The following WNK1 variants were observed in gnomAD, a reference collection of about 807,000 sequenced individuals.
WNK1 encodes serine/threonine-protein kinase WNK1.
In WNK1, 38 loss-of-function variants were observed where a neutral mutation model predicts 222.8. The ratio of observed to expected loss-of-function variants is 0.17; its 90% CI spans 0.13 to 0.22. The LOEUF (loss-of-function observed/expected upper bound fraction) is 0.22, where lower values mean the gene tolerates loss of function less well. Among genes scored for constraint, WNK1 ranks in the 10% least tolerant of loss-of-function variants. WNK1 has a pLI of 1.00. For missense variants in WNK1, 2,348 were observed against 2,918.4 expected (o/e 0.80, Z 4.50); for synonymous variants, 1,090 against 1,092.9 (o/e 1.00, Z 0.05).
At chr12:772,862 T>C (rs1942695150) in intron 1 of WNK1, among the ~76,000 whole-genome samples, 1 of 152,202 alleles carries the variant, frequency 6.6e-6, no homozygotes, top group African/African-American at 2.4e-5. Flanking sequence ...GCTTCGCATA[T>C]AATTTGGGGT....
intron 2 of WNK1, among the ~76,000 whole-genome samples, chr12:817,401 T>C (rs1947446184): frequency 6.6e-6 from 1 of 152,094 alleles, no homozygotes; most frequent in Non-Finnish European, 1.5e-5. Flanking sequence ...AGAATTCTGA[T>C]TGAGAATGTA....
intron 1 of WNK1, among the ~76,000 whole-genome samples, chr12:791,133 G>A (rs1394036584): frequency 1.3e-5 from 2 of 151,616 alleles, no homozygotes; most frequent in African/African-American, 4.8e-5. Flanking sequence ...AAATATTGTG[G>A]ATGTCATAGT....
At chr12:865,367 A>G in intron 8 of WNK1, 1 of 1,532,756 alleles carries the variant, frequency 6.5e-7, no homozygotes, top group Non-Finnish European at 8.7e-7. Context: ...TCAGTACTGT[A>G]TGTAACTGTA....
intron 4 of WNK1, among the ~76,000 whole-genome samples, chr12:831,878 A>G (rs1461421962): frequency 6.6e-6 from 1 of 152,070 alleles, no homozygotes; most frequent in African/African-American, 2.4e-5. Context: ...GATAAAATTT[A>G]GGCTAAACAT....
At chr12:806,944 C>T (rs941671932) in intron 1 of WNK1, among the ~76,000 whole-genome samples, 2 of 152,162 alleles carry the variant, frequency 1.3e-5, no homozygotes, top group Admixed American at 1.3e-4. Flanking sequence ...TGTAGAAATT[C>T]TGCTTTCAGG....
At position 911,362 on chromosome 12, in the gene WNK1, T is replaced by C. The variant is rs895691904; in HGVS notation, c.*2570T>C. 2 of 398,538 alleles carry C rather than the reference T, an allele frequency of 5.0e-6. No homozygotes were observed. Among genetic ancestry groups the C allele is most frequent in the African/African-American group, 4.1e-5 (2 of 48,642 alleles). 24.7% of individuals were successfully genotyped at this position (398,538 alleles called of 1,614,324 possible). A position where few individuals can be genotyped will look rare whatever the true frequency, so the allele number is the denominator to read the frequency against. On this transcript the variant is annotated 3_prime_UTR_variant, in exon 28 of 28. Transcript: ENST00000315939. ...TTGCACTAACTCTGGGTGTTGCGCTTCTTGTAAGATTGCGCTTTGTGCTTC... is the reference window on the plus strand; with the variant it reads ...TTGCACTAACTCTGGGTGTTGCGCTCCTTGTAAGATTGCGCTTTGTGCTTC...
chr12:854,184 A>G (rs2154058032), intron 4 of WNK1, among the ~76,000 whole-genome samples: 1 of 151,888 alleles, frequency 6.6e-6, no homozygotes, highest in East Asian at 2.0e-4. Context: ...CCTGGGGAAC[A>G]TAGCAAGACT....
chr12:859,935 C>T (rs992648799), intron 6 of WNK1, among the ~76,000 whole-genome samples: 1 of 151,990 alleles, frequency 6.6e-6, no homozygotes, highest in Non-Finnish European at 1.5e-5. Flanking sequence ...AGGCTTGTCT[C>T]GAACTCCTTA....
At chr12:906,556 C>G (rs1362537622) in intron 26 of WNK1, 3 of 985,082 alleles carry the variant, frequency 3.0e-6, no homozygotes, top group Non-Finnish European at 3.6e-6. Flanking sequence ...AAAACCATGT[C>G]TTCCTGAAGT....
Position 908,861 on chromosome 12 carries a change from G to GGGGGGGGGGGGCCCC in WNK1, c.*69_*70insGGGGGGGGGGGCCCC. 1 of 491,846 alleles carries GGGGGGGGGGGGCCCC rather than the reference G, an allele frequency of 2.0e-6. No individual in the cohort carries two copies. Among genetic ancestry groups the GGGGGGGGGGGGCCCC allele is most frequent in the Non-Finnish European group, 4.1e-6 (1 of 241,770 alleles). 30.5% of individuals were successfully genotyped at this position (491,846 alleles called of 1,614,324 possible). On this transcript the variant is annotated 3_prime_UTR_variant, in exon 28 of 28. Transcript: ENST00000315939. ...ATGCTGAGGGGGTGGGTGGGGGTGG[G>GGGGGGGGGGGGCCCC]AAGTAGCCTATATACTAACTACTAG...
At chr12:759,216 T>C (rs1591569224) in intron 1 of WNK1, among the ~76,000 whole-genome samples, 1 of 147,362 alleles carries the variant, frequency 6.8e-6, no homozygotes, top group African/African-American at 2.4e-5. Context: ...TGAAAATATT[T>C]AGCATACTAT....
chr12:762,102 C>T (rs1371684438), intron 1 of WNK1, among the ~76,000 whole-genome samples: 1 of 143,450 alleles, frequency 7.0e-6, no homozygotes, highest in East Asian at 2.0e-4. Flanking sequence ...CTCTGTTGCC[C>T]AGGCTGGAGT....
intron 9 of WNK1, among the ~76,000 whole-genome samples, chr12:874,523 A>G (rs977197049): frequency 3.0e-4 from 45 of 152,320 alleles, no homozygotes; most frequent in African/African-American, 1.1e-3. Flanking sequence ...CATTTTTGAC[A>G]GTCCTTTCAG....
At chr12:870,397 A>G (rs947900681) in intron 8 of WNK1, among the ~76,000 whole-genome samples, 2 of 152,224 alleles carry the variant, frequency 1.3e-5, no homozygotes, top group Non-Finnish European at 2.9e-5. Flanking sequence ...CAATATTTAT[A>G]ATAGTTAAGC....
rs185854455 is a variant in WNK1 at position 906,318 on chromosome 12, G to T, written c.6644-1529G>T. Reference sequence around the variant, plus strand: ...CGTGCCTCTTGGAATAATCTTCAGTGTGCCCTCCAGCAGAGCCGAAATCAG... The same window carrying T: ...CGTGCCTCTTGGAATAATCTTCAGTTTGCCCTCCAGCAGAGCCGAAATCAG... On this transcript the variant is annotated intron_variant, in intron 26 of 27. Coordinates refer to ENST00000315939, the MANE Select transcript of WNK1 (RefSeq NM_018979.4). The T allele has an allele frequency of 2.0e-5, 20 of 985,226 alleles. No individual in the cohort carries two copies. The East Asian group carries it at 2.3e-3, about 112-fold the overall frequency. The allele number at this position is 985,226 out of a possible 1,614,324, so 61.0% of individuals were successfully genotyped here. A position where few individuals can be genotyped will look rare whatever the true frequency, so the allele number is the denominator to read the frequency against.
At chr12:894,763 G>T in intron 23 of WNK1, 128 bp downstream of exon 23, 1 of 778,752 alleles carries the variant, frequency 1.3e-6, no homozygotes, top group African/African-American at 1.8e-5. Context: ...GTACTTTATA[G>T]CTCTTTTTAG....
chr12:804,461 G>A (rs1946170849), intron 1 of WNK1, among the ~76,000 whole-genome samples: 1 of 149,896 alleles, frequency 6.7e-6, no homozygotes, highest in South Asian at 2.1e-4. Flanking sequence ...CAACCTATGC[G>A]TCCCAGGTTC....
rs965129972 is a variant in WNK1, at chr12:909,324, T to G, written c.*532T>G. 6.3e-6 allele frequency: 1 copy of G among 157,530 alleles called. No individual in the cohort carries two copies. The highest frequency in any genetic ancestry group is 2.4e-5 in the African/African-American group (1 of 41,404). The allele number at this position is 157,530 out of a possible 1,614,324, so 9.8% of individuals were successfully genotyped here. A position where few individuals can be genotyped will look rare whatever the true frequency, so the allele number is the denominator to read the frequency against. ...AACCCAGTGAAAAATACCAGGGTACTGGGGTGCAACTCTTTCTTATGATAG... is the reference window on the plus strand; with the variant it reads ...AACCCAGTGAAAAATACCAGGGTACGGGGGTGCAACTCTTTCTTATGATAG... On this transcript the variant is annotated 3_prime_UTR_variant, in exon 28 of 28. Coordinates refer to ENST00000315939, the MANE Select transcript of WNK1 (RefSeq NM_018979.4).
Position 865,102 on chromosome 12 carries a change from G to T in WNK1, c.2139+2832G>T, listed in dbSNP as rs779271430. 53 of 1,505,704 alleles carry T rather than the reference G, an allele frequency of 3.5e-5. No individual in the cohort carries two copies. The South Asian group carries it at 6.5e-4, about 18-fold the overall frequency. The allele number at this position is 1,505,704 out of a possible 1,614,324, so 93.3% of individuals were successfully genotyped here. On this transcript the variant is annotated intron_variant, in intron 8 of 27. Transcript: ENST00000315939. ...TGTTTTTCATGTGTGTGTTTGTTTT[G>T]TGTTGAGCCTCGTCGTGGCCGTAGC...
Sources: gnomAD v4.1 joint callset for allele counts (sites outside exome capture counted in the v4.1 genomes callset) on GRCh38, gnomAD v4.1.1 for gene constraint, MANE v1.5 for transcripts, NCBI Gene and HGNC (gene_info 2026-07-23, HGNC 2026-07-21) for gene names.